Variants in ANKRD44 observed in about 807,000 individuals in gnomAD.
ANKRD44 encodes serine/threonine-protein phosphatase 6 regulatory ankyrin repeat subunit B.
In ANKRD44, 35 loss-of-function variants were observed where a neutral mutation model predicts 116.0. The observed-to-expected ratio is 0.30, with a 90% confidence interval of 0.23 to 0.40. The LOEUF is 0.40. ANKRD44 is among the 10% of genes least tolerant of loss of function. The pLI, the probability that ANKRD44 is intolerant of heterozygous loss-of-function variation, is 1.00. For missense variants in ANKRD44, 1,014 were observed against 1,242.6 expected, an observed-to-expected ratio of 0.82 and a Z score of 2.77; for synonymous variants, 435 against 461.8, an observed-to-expected ratio of 0.94 and a Z score of 0.74.
At chr2:197,020,471 A>C (rs2076475061) in intron 17 of ANKRD44, among the ~76,000 whole-genome samples, 1 of 152,166 alleles carries the variant, frequency 6.6e-6, no homozygotes, top group African/African-American at 2.4e-5. Context: ...GCAACACATA[A>C]AATACACTAA....
intron 21 of ANKRD44, among the ~76,000 whole-genome samples, chr2:196,980,754 G>C (rs1221309901): frequency 6.6e-6 from 1 of 152,148 alleles, no homozygotes; most frequent in Non-Finnish European, 1.5e-5. Context: ...CATAGCCAAG[G>C]TTTGGTTAGT....
chr2:196,991,286 G>T (rs897381305), intron 27 of ANKRD44, among the ~76,000 whole-genome samples: 1 of 152,150 alleles, frequency 6.6e-6, no homozygotes, highest in Non-Finnish European at 1.5e-5. Context: ...CAATCAGGAG[G>T]ATGTTTCCGC....
chr2:197,170,190 C>CAAAAAAAAAAAAAAAAAAAA (rs71012960), intron 2 of ANKRD44, among the ~76,000 whole-genome samples: 13 of 119,750 alleles, frequency 1.1e-4, no homozygotes, highest in East Asian at 7.2e-4. Flanking sequence ...ACCCTGTTTC[C>CAAAAAAAAAAAAAAAAAAAA]AAAAAAAAAA....
intron 16 of ANKRD44, among the ~76,000 whole-genome samples, chr2:197,065,784 A>C (rs1392365931): frequency 2.0e-5 from 3 of 151,484 alleles, no homozygotes; most frequent in African/African-American, 7.3e-5. Context: ...CTCTGAAATC[A>C]AGGCAACAAT....
chr2:197,022,861 C>A (rs1177323738), intron 17 of ANKRD44, among the ~76,000 whole-genome samples: 2 of 152,160 alleles, frequency 1.3e-5, no homozygotes, highest in Non-Finnish European at 2.9e-5. Context: ...ACCCTGTCTG[C>A]CATCTCAATA....
chr2:197,000,852 A>G (rs1249860976), intron 22 of ANKRD44, among the ~76,000 whole-genome samples: 2 of 152,184 alleles, frequency 1.3e-5, no homozygotes, highest in Non-Finnish European at 2.9e-5. Context: ...AGCCTGGCCA[A>G]TATGGTGAAA....
chr2:197,004,186 T>A (rs2076162398), intron 21 of ANKRD44, among the ~76,000 whole-genome samples: 2 of 152,136 alleles, frequency 1.3e-5, no homozygotes. Flanking sequence ...TCTGATAGGA[T>A]CTTGGTTTTG....
chr2:197,049,185 T>C (rs1375286547), intron 16 of ANKRD44, among the ~76,000 whole-genome samples: 2 of 152,252 alleles, frequency 1.3e-5, no homozygotes, highest in East Asian at 3.8e-4. Context: ...TTTAGTTTAA[T>C]TAGACCCCAT....
intron 13 of ANKRD44, among the ~76,000 whole-genome samples, chr2:197,085,742 G>A (rs181199407): frequency 1.2e-4 from 18 of 152,284 alleles, no homozygotes; most frequent in Non-Finnish European, 2.4e-4. Flanking sequence ...TGGGCCACCA[G>A]CAGCCCTTGG....
intron 2 of ANKRD44, chr2:197,147,778 A>G (rs2079542647): frequency 2.5e-6 from 1 of 400,564 alleles, no homozygotes; most frequent in South Asian, 1.8e-5. Flanking sequence ...TATTTCAGAT[A>G]AAACACCGTA....
At chr2:197,301,445 G>A (rs958158855) in intron 1 of ANKRD44, 1 of 152,120 alleles carries the variant, frequency 6.6e-6, no homozygotes, top group Non-Finnish European at 1.5e-5. Flanking sequence ...AATTACCTAC[G>A]ACTGAGAATT....
intron 1 of ANKRD44, among the ~76,000 whole-genome samples, chr2:197,225,310 A>T (rs2081677777): frequency 6.6e-6 from 1 of 152,200 alleles, no homozygotes; most frequent in African/African-American, 2.4e-5. Context: ...ACATTAAATT[A>T]ATCTTATGTT....
At position 197,122,698 on chromosome 2, in the gene ANKRD44, G is replaced by A; in HGVS notation, c.645C>T (p.Ser215=). ...KGYTPLHAAA[S]NGQINVVKHL... ...GCTTGACAACATTAATCTGTCCATT[G>A]GAGGCTGCAGCATGCAGAGGGGTAT... The change falls in exon 7 of 28, where the codon TCC becomes TCT. Residue 215 remains serine, a synonymous_variant. Coordinates refer to ENST00000282272, the MANE Select transcript of ANKRD44 (RefSeq NM_001195144.2). 6.2e-7 allele frequency: 1 copy of A among 1,614,198 alleles called. No individual in the cohort carries two copies. The highest frequency in any genetic ancestry group is 1.3e-5 in the African/African-American group (1 of 75,046).
At chr2:197,104,822 G>A (rs2078385753) in intron 9 of ANKRD44, among the ~76,000 whole-genome samples, 1 of 152,200 alleles carries the variant, frequency 6.6e-6, no homozygotes, top group Non-Finnish European at 1.5e-5. Context: ...ACAAAAATGT[G>A]TGCACTTTGT....
At chr2:196,976,643 G>A (rs1033126911) in intron 21 of ANKRD44, among the ~76,000 whole-genome samples, 1 of 152,128 alleles carries the variant, frequency 6.6e-6, no homozygotes, top group African/African-American at 2.4e-5. Flanking sequence ...AAGACAGGTG[G>A]ATTGCTTGAG....
intron 1 of ANKRD44, among the ~76,000 whole-genome samples, chr2:197,194,867 T>A (rs1269469366): frequency 6.6e-6 from 1 of 152,184 alleles, no homozygotes; most frequent in East Asian, 1.9e-4. Flanking sequence ...GTCTGAGTTA[T>A]AAAGATGAAG....
At chr2:197,206,607 T>TAGGAGAATGGCTTGAACCC (rs1559149237) in intron 1 of ANKRD44, among the ~76,000 whole-genome samples, 1 of 151,794 alleles carries the variant, frequency 6.6e-6, no homozygotes, top group East Asian at 1.9e-4. Context: ...GGCTTGAACC[T>TAGGAGAATGGCTTGAACCC]GGGAGGCAGA....
intron 1 of ANKRD44, among the ~76,000 whole-genome samples, chr2:197,263,845 T>G (rs1428507177): frequency 6.6e-6 from 1 of 152,304 alleles, no homozygotes; most frequent in East Asian, 1.9e-4. Context: ...GCTAGGCACA[T>G]GGCTGCCTCC....
At chr2:197,040,562 A>T (rs2076892777) in intron 16 of ANKRD44, among the ~76,000 whole-genome samples, 1 of 151,868 alleles carries the variant, frequency 6.6e-6, no homozygotes, top group Non-Finnish European at 1.5e-5. Flanking sequence ...TTTTTAGTAG[A>T]GATGGGGTTT....
Sources: gnomAD v4.1 joint callset for allele counts (sites outside exome capture counted in the v4.1 genomes callset) on GRCh38, gnomAD v4.1.1 for gene constraint, MANE v1.5 for transcripts, NCBI Gene and HGNC (gene_info 2026-07-23, HGNC 2026-07-21) for gene names.